SMTN: variants seen among roughly 807,000 people sequenced by gnomAD.
SMTN encodes smoothelin.
In SMTN, 58 loss-of-function variants were observed where a neutral mutation model predicts 102.0. That is an observed-to-expected ratio of 0.57 (90% confidence interval 0.46 to 0.71). SMTN has a LOEUF of 0.71. Among genes scored for constraint, SMTN ranks in the 30% least tolerant of loss-of-function variants. The pLI, the probability that SMTN is intolerant of heterozygous loss-of-function variation, is 0.00. For missense variants in SMTN, 1,185 were observed against 1,241.7 expected (o/e 0.95, Z 0.69); for synonymous variants, 478 against 497.9 (o/e 0.96, Z 0.53).
At position 31,073,011 on chromosome 22, in the gene SMTN, C is replaced by CTTTTTTTTT. The variant is rs59040826; in HGVS notation, c.-385-7426_-385-7418dup. ...GCTGAAGTTGATTCTCTCTCTCTCT[C>CTTTTTTTTT]TTTTTTTTTTTTTTTTTTTTTGAGA... is the stretch of plus-strand genomic sequence containing the variant. On this transcript the variant is annotated intron_variant, in intron 1 of 3. Transcript: ENST00000422839. Among the ~76,000 whole-genome samples the CTTTTTTTTT allele has an allele frequency of 7.3e-3, 626 of 85,636 alleles. 72 individuals carry two copies. The highest frequency in any genetic ancestry group is 0.028 in the African/African-American group (558 of 19,604). 56.2% of individuals were successfully genotyped at this position (85,636 alleles called of 152,430 possible).
intron 18 of SMTN, chr22:31,099,513 G>A (rs1569268232): frequency 1.7e-6 from 1 of 593,570 alleles, no homozygotes; most frequent in Non-Finnish European, 3.0e-6. Context: ...CATGACCATA[G>A]CCTTAGCTGG....
chr22:31,100,579 G>A (rs1002660068), intron 19 of SMTN, among the ~76,000 whole-genome samples: 9 of 149,770 alleles, frequency 6.0e-5, no homozygotes, highest in African/African-American at 2.0e-4. Flanking sequence ...CCCACCCCGC[G>A]TTCCCGCTTG....
In SMTN at chr22:31,091,572, G is replaced by A. The variant is rs1207838767; in HGVS notation, c.1459+90G>A. ...ACAGGTGCTGCGGCCAGGACTCAGGGTGTCTCCAAAGGGTGTGCTGGGAGC... is the reference window on the plus strand; with the variant it reads ...ACAGGTGCTGCGGCCAGGACTCAGGATGTCTCCAAAGGGTGTGCTGGGAGC... On this transcript the variant is annotated intron_variant, in intron 10 of 20. Coordinates refer to ENST00000333137, the MANE Select transcript of SMTN (RefSeq NM_134269.3). 6 of 1,509,496 alleles carry A rather than the reference G, an allele frequency of 4.0e-6. No homozygotes were observed. In the Admixed American group the frequency reaches 1.1e-4, roughly 27 times the overall value. 93.5% of individuals were successfully genotyped at this position (1,509,496 alleles called of 1,614,324 possible).
chr22:31,091,725 G>T lies in SMTN; in HGVS notation c.1510G>T (p.Gly504Trp), dbSNP rs753348409. ...APPTLLSTSS[G>W]GKSTITRVNS... Reference sequence around the variant, plus strand: ...CCCGACCCTACTCAGCACCAGTAGTGGGGGCAAGAGCACCATCACCCGTGT... The same window carrying T: ...CCCGACCCTACTCAGCACCAGTAGTTGGGGCAAGAGCACCATCACCCGTGT... Residue 504 changes from glycine (G) to tryptophan (W), a missense_variant, in exon 11 of 21, where the codon GGG becomes TGG. Physicochemically the swap from Gly to Trp is radical, Grantham distance 184. This residue lies in a region of SMTN where 1,096 missense variants were observed against 1,112.7 expected (regional missense o/e 0.98). Coordinates refer to ENST00000333137, the MANE Select transcript of SMTN (RefSeq NM_134269.3). 6.2e-7 allele frequency: 1 copy of T among 1,612,572 alleles called. No homozygotes were observed. Among genetic ancestry groups the T allele is most frequent in the Non-Finnish European group, 8.5e-7 (1 of 1,179,048 alleles).
At chr22:31,079,054 C>T (rs535848940), upstream of SMTN, among the ~76,000 whole-genome samples, 7 of 152,342 alleles carry the variant, frequency 4.6e-5, no homozygotes, top group South Asian at 1.5e-3. Flanking sequence ...GGTGCCTTCA[C>T]CTCCCTGAGC....
In SMTN at chr22:31,091,749, G is replaced by C. The variant is rs1466964916; in HGVS notation, c.1534G>C (p.Val512Leu). 1 of 1,612,762 alleles carries C rather than the reference G, an allele frequency of 6.2e-7. No individual in the cohort carries two copies. ...TGGGGGCAAGAGCACCATCACCCGT[G>C]TCAACAGCCCTGGGACCCTGGCTCG... Reference protein sequence around the residue: ...SSGGKSTITRVNSPGTLARLG... With the variant: ...SSGGKSTITRLNSPGTLARLG... The change falls in exon 11 of 21, where the codon GTC becomes CTC. Residue 512 changes from valine (V) to leucine (L), a missense_variant. Transcript: ENST00000333137.
At chr22:31,065,656 T>TC (rs2041830860) in intron 1 of SMTN, 1 of 151,786 alleles carries the variant, frequency 6.6e-6, no homozygotes, top group African/African-American at 2.4e-5. Flanking sequence ...GGCCTACATT[T>TC]TTTTTTTTAA....
chr22:31,102,999 C>T (rs925278842), intron 20 of SMTN: 2 of 152,270 alleles, frequency 1.3e-5, no homozygotes, highest in Admixed American at 1.3e-4. Context: ...TAGAGAATAA[C>T]TGTCCTGTTC....
Position 31,091,314 on chromosome 22 carries a change from G to T in SMTN, c.1291G>T (p.Gly431Trp). The T allele has an allele frequency of 6.2e-7, 1 of 1,604,136 alleles. No homozygotes were observed. The highest frequency in any genetic ancestry group is 8.5e-7 in the Non-Finnish European group (1 of 1,176,898). ...LAARPLENRA[G>W]GPVARSEEPG... ...TGCTAGGCCCCTTGAAAACAGAGCA[G>T]GGGGGCCTGTGGCACGTTCAGAGGA... is the stretch of plus-strand genomic sequence containing the variant. Residue 431 changes from glycine (G) to tryptophan (W), a missense_variant, in exon 10 of 21, where the codon GGG (glycine) becomes TGG (tryptophan). Physicochemically the swap from Gly to Trp is radical, Grantham distance 184. Transcript: ENST00000333137.
chr22:31,083,152 T>A (rs1345229746), intron 1 of SMTN, 27 bp from the exon 2 acceptor site: 1 of 1,556,726 alleles, frequency 6.4e-7, no homozygotes, highest in South Asian at 1.2e-5. Flanking sequence ...AGCCCCAGCA[T>A]GCCTGATTCA....
At chr22:31,077,906 C>T (rs5749212), upstream of SMTN, among the ~76,000 whole-genome samples, 5,409 of 152,280 alleles carry the variant, frequency 0.036, 405 homozygotes, top group East Asian at 0.34. Flanking sequence ...TGACCTAGGA[C>T]GCATCCAGTT....
Position 31,099,910 on chromosome 22 carries a change from C to T in SMTN, c.2603+14C>T. 1 of 1,612,066 alleles carries T rather than the reference C, an allele frequency of 6.2e-7. No homozygotes were observed. The highest frequency in any genetic ancestry group is 8.5e-7 in the Non-Finnish European group (1 of 1,178,546). On this transcript the variant is annotated intron_variant, in intron 19 of 20. Transcript: ENST00000333137. ...CTCATCTGCGGAGTAAGTGTGGGCC[C>T]TGGCCCTGCTAATGTTGCTGCACAT... is the stretch of plus-strand genomic sequence containing the variant.
intron 20 of SMTN, chr22:31,102,618 C>T (rs1372161636): frequency 6.6e-6 from 1 of 152,424 alleles, no homozygotes; most frequent in East Asian, 1.9e-4. Flanking sequence ...GGAGAGGGGC[C>T]CAGCCCAGCC....
chr22:31,069,837 A>G (rs367817660), intron 1 of SMTN, among the ~76,000 whole-genome samples: 1 of 152,214 alleles, frequency 6.6e-6, no homozygotes, highest in East Asian at 1.9e-4. Flanking sequence ...TTGCTCTCCT[A>G]TAATTGCTGT....
chr22:31,098,382 G>A (rs2043767727), intron 16 of SMTN, among the ~76,000 whole-genome samples: 1 of 151,844 alleles, frequency 6.6e-6, no homozygotes, highest in African/African-American at 2.4e-5. Context: ...ATAGTGCCCA[G>A]AAGCTGAACT....
chr22:31,091,956 G>A, intron 11 of SMTN, 109 bp downstream of exon 11: 1 of 1,093,630 alleles, frequency 9.1e-7, no homozygotes, highest in South Asian at 1.7e-5. Flanking sequence ...TGCACACACA[G>A]AGAAACCGAG....
At chr22:31,075,605 C>T (rs755905142) in intron 1 of SMTN, among the ~76,000 whole-genome samples, 8 of 151,138 alleles carry the variant, frequency 5.3e-5, no homozygotes, top group South Asian at 2.1e-4. Flanking sequence ...CACTTGAAGC[C>T]GGGAGGCAGG....
rs376867943 is a variant in SMTN, at chr22:31,091,366, T to C, written c.1343T>C (p.Val448Ala). 11 of 1,604,744 alleles carry C rather than the reference T, an allele frequency of 6.9e-6. No homozygotes were observed. Among genetic ancestry groups the C allele is most frequent in the Non-Finnish European group, 9.3e-6 (11 of 1,178,192 alleles). ...EEPGAPLPVAVGTAEPGGSMK... is the reference protein window; with the variant it reads ...EEPGAPLPVAAGTAEPGGSMK... ...CCTGGTGCCCCGCTGCCCGTGGCCG[T>C]CGGCACTGCCGAGCCAGGGGGCAGT... The change falls in exon 10 of 21, where the codon GTC becomes GCC. Residue 448 changes from valine to alanine, a missense_variant. Physicochemically the swap from Val to Ala is moderately conservative, Grantham distance 64. Around this residue, in one of 2 missense-constraint regions of SMTN, gnomAD observed 1,096 missense variants for 1,112.7 expected, o/e 0.98. Coordinates refer to ENST00000333137, the MANE Select transcript of SMTN (RefSeq NM_134269.3).
At position 31,091,454 on chromosome 22, in the gene SMTN, G is replaced by T; in HGVS notation, c.1431G>T (p.Val477=). The T allele has an allele frequency of 6.5e-7, 1 of 1,527,506 alleles. No individual in the cohort carries two copies. 94.6% of individuals were successfully genotyped at this position (1,527,506 alleles called of 1,614,324 possible). A position where few individuals can be genotyped will look rare whatever the true frequency, so the allele number is the denominator to read the frequency against. ...DGRGQASTGR[V]LLPTGNQRAE... Reference sequence around the variant, plus strand: ...GTGGCCAGGCCTCCACAGGCCGGGTGCTGCTGCCCACAGGCAACCAGAGGG... The same window carrying T: ...GTGGCCAGGCCTCCACAGGCCGGGTTCTGCTGCCCACAGGCAACCAGAGGG... The change falls in exon 10 of 21, where the codon GTG becomes GTT. Residue 477 remains valine, a synonymous_variant. Transcript: ENST00000333137.
Sources: allele counts gnomAD v4.1 joint callset (sites outside exome capture counted in the v4.1 genomes callset), GRCh38; gene constraint gnomAD v4.1.1; regional missense constraint gnomAD v4.1.1; transcripts MANE v1.5; gene names NCBI Gene and HGNC (gene_info 2026-07-23, HGNC 2026-07-21).